P2RX4: variants seen among roughly 807,000 people sequenced by gnomAD.
P2RX4 encodes purinergic receptor P2X 4.
P2RX4 carries 37 observed loss-of-function variants against 48.0 expected under a neutral mutation model. The observed-to-expected ratio is 0.77, with a 90% CI of 0.59 to 1.01. The LOEUF (loss-of-function observed/expected upper bound fraction) is 1.01. P2RX4 is among the 50% of genes least tolerant of loss of function. The pLI is 0.00. For synonymous variants in P2RX4, 200 were observed against 199.7 expected, an observed-to-expected ratio of 1.00 and a Z score of -0.01; for missense variants, 501 against 521.4, an observed-to-expected ratio of 0.96 and a Z score of 0.38.
chr12:121,222,338 C>A, intron 4 of P2RX4, 172 bp downstream of exon 4: 1 of 607,718 alleles, frequency 1.6e-6, no homozygotes. Context: ...TGGAGCCCCA[C>A]AAGCCATCCC....
chr12:121,225,465 C>T (rs1886923344), intron 5 of P2RX4, among the ~76,000 whole-genome samples: 1 of 152,176 alleles, frequency 6.6e-6, no homozygotes, highest in African/African-American at 2.4e-5. Context: ...GGCTGGAGTG[C>T]AGTGGCGCCA....
chr12:121,232,141 T>TACC lies in P2RX4; in HGVS notation c.885-271_885-269dup, dbSNP rs1256795280. 1.1e-4 allele frequency among the ~76,000 whole-genome samples: 16 copies of TACC among 152,036 alleles called. No homozygotes were observed. Among genetic ancestry groups the TACC allele is most frequent in the Admixed American group, 1.0e-3 (16 of 15,258 alleles). The stretch of plus-strand genomic sequence containing the variant: ...TCCCTTGAGGGAGGCAGGCAGGATG[T>TACC]ACCAGGTGGGATGTTGAGAGCAAAC... On this transcript the variant is annotated intron_variant, in intron 8 of 11. Coordinates refer to ENST00000337233, the MANE Select transcript of P2RX4 (RefSeq NM_002560.3). The surrounding 1 kb of genome is among the most constrained non-coding windows in gnomAD (Gnocchi z 4.3).
At chr12:121,220,321 A>T (rs1336907476) in intron 2 of P2RX4, among the ~76,000 whole-genome samples, 4 of 151,942 alleles carry the variant, frequency 2.6e-5, no homozygotes, top group Non-Finnish European at 5.9e-5. Context: ...TTTTAACTGC[A>T]GTCAAATTCA....
intron 5 of P2RX4, among the ~76,000 whole-genome samples, chr12:121,225,220 C>G (rs929458922): frequency 3.3e-5 from 5 of 151,326 alleles, no homozygotes; most frequent in Non-Finnish European, 7.4e-5. Flanking sequence ...TTATAGGCAC[C>G]CCCCACCACA....
In P2RX4 at chr12:121,233,768, A is replaced by T; in HGVS notation, c.*219A>T. Reference sequence around the variant, plus strand: ...CAGCAGTCTGTTCTTGGCTGGGTCAACTCTGCTTTTCCCGCAACCTGGGGT... The same window carrying T: ...CAGCAGTCTGTTCTTGGCTGGGTCATCTCTGCTTTTCCCGCAACCTGGGGT... On this transcript the variant is annotated 3_prime_UTR_variant, in exon 12 of 12. Coordinates refer to ENST00000337233, the MANE Select transcript of P2RX4 (RefSeq NM_002560.3). 1 of 1,167,306 alleles carries T rather than the reference A, an allele frequency of 8.6e-7. No individual in the cohort carries two copies. The highest frequency in any genetic ancestry group is 1.2e-6 in the Non-Finnish European group (1 of 854,750). 72.3% of individuals were successfully genotyped at this position (1,167,306 alleles called of 1,614,324 possible). A position where few individuals can be genotyped will look rare whatever the true frequency, so the allele number is the denominator to read the frequency against.
In P2RX4 at chr12:121,210,258, A is replaced by G. The variant is rs758788009; in HGVS notation, c.94A>G (p.Asn32Asp). The change falls in exon 1 of 12, where the codon AAC becomes GAC. Residue 32 changes from asparagine (N) to aspartate (D), a missense_variant. This residue lies in a region of P2RX4 where 295 missense variants were observed against 275.3 expected (regional missense o/e 1.07). Coordinates refer to ENST00000337233, the MANE Select transcript of P2RX4 (RefSeq NM_002560.3). ...LIRSRKVGLM[N>D]RAVQLLILAY... ...CCGCAGCCGCAAAGTGGGGCTCATGAACCGCGCCGTGCAACTGCTCATCCT... is the reference window on the plus strand; with the variant it reads ...CCGCAGCCGCAAAGTGGGGCTCATGGACCGCGCCGTGCAACTGCTCATCCT... 1.3e-6 allele frequency: 2 copies of G among 1,559,600 alleles called. No individual in the cohort carries two copies. Among genetic ancestry groups the G allele is most frequent in the Non-Finnish European group, 1.7e-6 (2 of 1,157,468 alleles).
intron 5 of P2RX4, among the ~76,000 whole-genome samples, chr12:121,228,128 G>A (rs1426450719): frequency 2.6e-5 from 4 of 151,830 alleles, no homozygotes; most frequent in Non-Finnish European, 5.9e-5. Flanking sequence ...GATGGCTTAT[G>A]CCTGTAATCC....
intron 1 of P2RX4, chr12:121,212,840 T>TG (rs1885978117): frequency 1.5e-5 from 2 of 131,366 alleles, no homozygotes; most frequent in African/African-American, 2.9e-5. Flanking sequence ...TTTTTTTTTT[T>TG]GGAGACTCAC....
rs1403495894 is a variant in P2RX4, at chr12:121,232,316, G to A, written c.885-98G>A. The A allele has an allele frequency of 1.2e-5, 10 of 856,010 alleles. No individual in the cohort carries two copies. Among genetic ancestry groups the A allele is most frequent in the Non-Finnish European group, 1.8e-5 (9 of 511,982 alleles). The allele number at this position is 856,010 out of a possible 1,614,324, so 53.0% of individuals were successfully genotyped here. ...CCAGCGTCCATTCAGCCGGCAGAGTGGACCATTCACCTGTGCCAGCTCCAC... is the reference window on the plus strand; with the variant it reads ...CCAGCGTCCATTCAGCCGGCAGAGTAGACCATTCACCTGTGCCAGCTCCAC... On this transcript the variant is annotated intron_variant, in intron 8 of 11. Coordinates refer to ENST00000337233, the MANE Select transcript of P2RX4 (RefSeq NM_002560.3). The surrounding 1 kb of genome is among the most constrained non-coding windows in gnomAD (Gnocchi z 4.3).
At chr12:121,217,775 A>AG (rs1555235440) in intron 2 of P2RX4, among the ~76,000 whole-genome samples, 25 of 148,856 alleles carry the variant, frequency 1.7e-4, no homozygotes, top group Admixed American at 3.4e-4. Flanking sequence ...AAAAAAAAAA[A>AG]AAGAAAAAAA....
chr12:121,217,399 T>G, intron 2 of P2RX4, 118 bp downstream of exon 2: 1 of 1,038,066 alleles, frequency 9.6e-7, no homozygotes, highest in Non-Finnish European at 1.5e-6. Flanking sequence ...CCAGAATGAT[T>G]GTTTTAGTCC....
At chr12:121,222,378 T>C (rs1886682327) in intron 4 of P2RX4, 3 of 563,252 alleles carry the variant, frequency 5.3e-6, no homozygotes, top group Non-Finnish European at 9.4e-6. Context: ...TTTTTTTTGT[T>C]GTTGTTGTTG....
Position 121,210,240 on chromosome 12 carries a change from C to G in P2RX4, c.76C>G (p.Arg26Gly). The G allele has an allele frequency of 2.6e-6, 4 of 1,563,460 alleles. No individual in the cohort carries two copies. The highest frequency in any genetic ancestry group is 1.4e-5 in the African/African-American group (1 of 70,564). The stretch of plus-strand genomic sequence containing the variant: ...GCCGCGCATCGTGCTCATCCGCAGC[C>G]GCAAAGTGGGGCTCATGAACCGCGC... Reference protein sequence around the residue: ...DTPRIVLIRSRKVGLMNRAVQ... With the variant: ...DTPRIVLIRSGKVGLMNRAVQ... Residue 26 changes from arginine to glycine, a missense_variant, in exon 1 of 12, where the codon CGC becomes GGC. Transcript: ENST00000337233.
At chr12:121,219,920 G>A (rs1048745008) in intron 2 of P2RX4, among the ~76,000 whole-genome samples, 3 of 151,938 alleles carry the variant, frequency 2.0e-5, no homozygotes. Context: ...ATGAGAGGAG[G>A]ATCCAACTAG....
chr12:121,228,594 C>T lies in P2RX4; in HGVS notation c.586C>T (p.Pro196Ser). 1 of 1,613,556 alleles carries T rather than the reference C, an allele frequency of 6.2e-7. No individual in the cohort carries two copies. The highest frequency in any genetic ancestry group is 8.5e-7 in the Non-Finnish European group (1 of 1,179,894). ...TLLVKNNIWYPKFNFSKRNIL... is the reference protein window; with the variant it reads ...TLLVKNNIWYSKFNFSKRNIL... The stretch of plus-strand genomic sequence containing the variant: ...TTTGGTTAAGAACAACATCTGGTAT[C>T]CCAAATTTAATTTCAGCAAGTAAGT... The change falls in exon 6 of 12, where the codon CCC (proline) becomes TCC (serine). Residue 196 changes from proline (P) to serine (S), a missense_variant. This residue lies in a region of P2RX4 where 295 missense variants were observed against 275.3 expected (regional missense o/e 1.07). Transcript: ENST00000337233.
In P2RX4 at chr12:121,210,295, T is replaced by C. The variant is rs765803684; in HGVS notation, c.131T>C (p.Ile44Thr). Reference protein sequence around the residue: ...AVQLLILAYVIGWVFVWEKGY... With the variant: ...AVQLLILAYVTGWVFVWEKGY... ...CAACTGCTCATCCTGGCCTACGTCA[T>C]CGGGTGAGCGTGGGGCCGCGCGGGG... Residue 44 changes from isoleucine to threonine, a missense_variant, in exon 1 of 12, where the codon ATC (isoleucine) becomes ACC (threonine). This residue lies in a region of P2RX4 where 295 missense variants were observed against 275.3 expected (regional missense o/e 1.07). Transcript: ENST00000337233. 15 of 1,541,450 alleles carry C rather than the reference T, an allele frequency of 9.7e-6. No homozygotes were observed. In the Admixed American group the frequency reaches 2.8e-4, roughly 29 times the overall value.
chr12:121,216,940 C>T lies in P2RX4; in HGVS notation c.135-194C>T, dbSNP rs183066132. On this transcript the variant is annotated intron_variant, in intron 1 of 11. Coordinates refer to ENST00000337233, the MANE Select transcript of P2RX4 (RefSeq NM_002560.3). ...ACCATCTCATTTATTTCCCGCAAAC[C>T]CTCCTGTGGTTTAGGTGCTACCATC... The T allele has an allele frequency of 6.2e-5, 44 of 711,842 alleles. No homozygotes were observed. The African/African-American group carries it at 7.1e-4, about 12-fold the overall frequency. 44.1% of individuals were successfully genotyped at this position (711,842 alleles called of 1,614,324 possible).
chr12:121,212,143 G>C (rs1262865799), intron 1 of P2RX4, among the ~76,000 whole-genome samples: 2 of 152,198 alleles, frequency 1.3e-5, no homozygotes, highest in Non-Finnish European at 2.9e-5. Context: ...CCCGTCTTTG[G>C]GGTGAGGTTT....
intron 2 of P2RX4, among the ~76,000 whole-genome samples, chr12:121,219,575 T>TGGTG (rs1180426502): frequency 4.2e-5 from 6 of 143,294 alleles, no homozygotes; most frequent in African/African-American, 1.3e-4. Context: ...ATTGGATGGG[T>TGGTG]GGTGGATGGA....
Sources: allele counts gnomAD v4.1 joint callset (sites outside exome capture counted in the v4.1 genomes callset), GRCh38; gene constraint gnomAD v4.1.1; regional missense constraint gnomAD v4.1.1; non-coding constraint Gnocchi (gnomAD v3.1); transcripts MANE v1.5; gene names NCBI Gene and HGNC (gene_info 2026-07-23, HGNC 2026-07-21).